The following KIF21A variants were observed in gnomAD, a reference collection of about 807,000 sequenced individuals.
KIF21A encodes kinesin family member 21A, also known as kinesin-like protein KIF21A.
Under a neutral mutation model 202.9 loss-of-function variants are expected in KIF21A, and 114 were observed. The observed-to-expected ratio is 0.56, with a 90% CI of 0.48 to 0.66. The LOEUF (loss-of-function observed/expected upper bound fraction) is 0.66, where lower values mean the gene tolerates loss of function less well. Among genes scored for constraint, KIF21A ranks in the 30% least tolerant of loss-of-function variants. The pLI, the probability that KIF21A is intolerant of heterozygous loss-of-function variation, is 0.00. For missense variants in KIF21A, 1,677 were observed against 1,994.9 expected (o/e 0.84, Z 3.04); for synonymous variants, 667 against 670.8 (o/e 0.99, Z 0.09).
intron 1 of KIF21A, among the ~76,000 whole-genome samples, chr12:39,417,108 G>A (rs1158155797): frequency 6.6e-6 from 1 of 151,674 alleles, no homozygotes; most frequent in Non-Finnish European, 1.5e-5. Flanking sequence ...GAAGAAAAAT[G>A]CAGTATATAA....
chr12:39,392,025 A>T (rs1305881421), intron 1 of KIF21A, among the ~76,000 whole-genome samples: 1 of 152,128 alleles, frequency 6.6e-6, no homozygotes, highest in Non-Finnish European at 1.5e-5. Context: ...GGAATGAGCC[A>T]CCGCACCCAG....
chr12:39,442,783 G>T lies in KIF21A; in HGVS notation c.44+144C>A. 9.8e-7 allele frequency: 1 copy of T among 1,021,020 alleles called. No homozygotes were observed. 63.2% of individuals were successfully genotyped at this position (1,021,020 alleles called of 1,614,324 possible). On this transcript the variant is annotated intron_variant, in intron 1 of 37. Transcript: ENST00000361418. This position sits in a 1 kb window ranked among gnomAD's most constrained non-coding sequence, Gnocchi z 5.0. ...CGTGCCAGGCCAGCGGGGACTCACT[G>T]CCTCAGTTTCCTCAGCCGCAGAACC...
At chr12:39,297,522 G>A (rs1194292726) in intron 37 of KIF21A, among the ~76,000 whole-genome samples, 1 of 145,524 alleles carries the variant, frequency 6.9e-6, no homozygotes, top group African/African-American at 2.5e-5. Context: ...TCACTCATAG[G>A]TGGGAAGTGA....
chr12:39,368,149 A>AT (rs1485597472), intron 3 of KIF21A, 117 bp from the exon 4 acceptor site: 3 of 674,894 alleles, frequency 4.4e-6, no homozygotes, highest in Non-Finnish European at 7.5e-6. Flanking sequence ...AAAATGACAT[A>AT]TTTTTTCAAA....
intron 1 of KIF21A, among the ~76,000 whole-genome samples, chr12:39,405,840 G>GA (rs895741668): frequency 2.2e-4 from 33 of 150,438 alleles, no homozygotes; most frequent in Non-Finnish European, 3.8e-4. Context: ...TAGGCCGTAA[G>GA]AAAAAAAAAT....
At position 39,301,475 on chromosome 12, in the gene KIF21A, C is replaced by T. The variant is rs1565629723; in HGVS notation, c.4931+5G>A. ...TATAGAGAAAAATCATATAAGAAAA[C>T]TTACTCAGCTGCAGTAAAAATGTGG... On this transcript the variant is annotated splice_donor_5th_base_variant and intron_variant, in intron 37 of 37. Coordinates refer to ENST00000361418, the MANE Select transcript of KIF21A (RefSeq NM_001173464.2). 6.2e-7 allele frequency: 1 copy of T among 1,611,220 alleles called. No individual in the cohort carries two copies. Among genetic ancestry groups the T allele is most frequent in the East Asian group, 2.2e-5 (1 of 44,878 alleles).
intron 28 of KIF21A, 64 bp downstream of exon 28, chr12:39,319,842 T>G: frequency 1.1e-6 from 1 of 946,954 alleles, no homozygotes; most frequent in Non-Finnish European, 1.7e-6. Flanking sequence ...CATGATTATC[T>G]TTAGCATCTA....
chr12:39,352,518 T>C (rs746717598), intron 10 of KIF21A, among the ~76,000 whole-genome samples: 7 of 152,272 alleles, frequency 4.6e-5, no homozygotes, highest in African/African-American at 1.4e-4. Context: ...CAGTGGTAAT[T>C]AGATTACTTG....
chr12:39,435,233 C>G (rs1211144636), intron 1 of KIF21A, among the ~76,000 whole-genome samples: 2 of 152,156 alleles, frequency 1.3e-5, no homozygotes, highest in African/African-American at 2.4e-5. Context: ...TCCTGAATGA[C>G]CTTTATTACA....
At chr12:39,315,428 T>TA (rs908489749) in intron 30 of KIF21A, among the ~76,000 whole-genome samples, 188 bp from the exon 31 acceptor site, 75 of 152,152 alleles carry the variant, frequency 4.9e-4, no homozygotes, top group African/African-American at 1.7e-3. Context: ...TTCTTAAGAA[T>TA]ATTTATTTTA....
chr12:39,335,926 C>CT (rs1946925462), intron 17 of KIF21A, among the ~76,000 whole-genome samples: 2 of 152,296 alleles, frequency 1.3e-5, no homozygotes, highest in Admixed American at 1.3e-4. Context: ...CACTACCCCC[C>CT]TTTTCTCTAT....
At chr12:39,421,726 TA>T (rs1566302820) in intron 1 of KIF21A, among the ~76,000 whole-genome samples, 3 of 111,088 alleles carry the variant, frequency 2.7e-5, no homozygotes, top group East Asian at 8.6e-4. Context: ...ATATAATTTA[TA>T]TATATATATA....
intron 6 of KIF21A, among the ~76,000 whole-genome samples, chr12:39,365,852 A>C (rs1414591928): frequency 6.6e-6 from 1 of 151,962 alleles, no homozygotes; most frequent in Non-Finnish European, 1.5e-5. Flanking sequence ...TCTACAAAAA[A>C]TACAAAAATT....
intron 1 of KIF21A, among the ~76,000 whole-genome samples, chr12:39,402,958 A>T (rs928130346): frequency 3.9e-5 from 6 of 152,190 alleles, no homozygotes; most frequent in Admixed American, 3.3e-4. Flanking sequence ...TACTACCATC[A>T]TATGATTGTT....
intron 32 of KIF21A, 145 bp from the exon 33 acceptor site, chr12:39,309,911 A>T: frequency 1.4e-6 from 1 of 722,864 alleles, no homozygotes; most frequent in South Asian, 1.8e-5. Flanking sequence ...TCCTAACTTC[A>T]TCCTTGACCC....
chr12:39,395,324 G>T (rs1163066573), intron 1 of KIF21A, among the ~76,000 whole-genome samples: 2 of 151,968 alleles, frequency 1.3e-5, no homozygotes, highest in African/African-American at 4.8e-5. Flanking sequence ...CATTGCTCTA[G>T]AATTGTTCTA....
chr12:39,330,821 G>A lies in KIF21A; in HGVS notation c.3244C>T (p.Leu1082Phe). ...TEITSATQNQ[L>F]LFHMLKEKAE... ...TTCTCTTTCAACATATGGAATAAGAGCTGGTTTTGGGTAGCACTGGTTATT... is the reference window on the plus strand; with the variant it reads ...TTCTCTTTCAACATATGGAATAAGAACTGGTTTTGGGTAGCACTGGTTATT... The change falls in exon 23 of 38, where the codon CTC becomes TTC. Residue 1082 changes from leucine (L) to phenylalanine (F), a missense_variant. By Grantham distance (22) the Leu-to-Phe change is conservative (BLOSUM62 0). Around this residue, in one of 3 missense-constraint regions of KIF21A, gnomAD observed 705 missense variants for 791.9 expected, o/e 0.89. Coordinates refer to ENST00000361418, the MANE Select transcript of KIF21A (RefSeq NM_001173464.2). 1 of 1,613,908 alleles carries A rather than the reference G, an allele frequency of 6.2e-7. No individual in the cohort carries two copies. Among genetic ancestry groups the A allele is most frequent in the Non-Finnish European group, 8.5e-7 (1 of 1,179,846 alleles).
chr12:39,301,958 T>G lies in KIF21A; in HGVS notation c.4732-279A>C, dbSNP rs549950274. On this transcript the variant is annotated intron_variant, in intron 36 of 37. Transcript: ENST00000361418. ...TGAAAATACATAGAACTTTCGAGCA[T>G]CACATCCTCTTCATGGGCAGTAAAT... Among the ~76,000 whole-genome samples the G allele has an allele frequency of 7.9e-5, 12 of 152,300 alleles. No individual in the cohort carries two copies. In the East Asian group the frequency reaches 2.3e-3, roughly 29 times the overall value.
chr12:39,407,859 A>G (rs1952726076), intron 1 of KIF21A, among the ~76,000 whole-genome samples: 1 of 152,096 alleles, frequency 6.6e-6, no homozygotes, highest in South Asian at 2.1e-4. Context: ...CCTTTTACAT[A>G]TTATATTTAG....
Sources: gnomAD v4.1 joint callset for allele counts (sites outside exome capture counted in the v4.1 genomes callset) on GRCh38, gnomAD v4.1.1 for gene constraint, gnomAD v4.1.1 regional missense constraint, Gnocchi (gnomAD v3.1) non-coding constraint, MANE v1.5 for transcripts, NCBI Gene and HGNC (gene_info 2026-07-23, HGNC 2026-07-21) for gene names.